Variants in DTNA observed in about 807,000 individuals in gnomAD.
DTNA encodes the protein dystrophin-related protein 3.
Under a neutral mutation model 100.7 loss-of-function variants are expected in DTNA, and 43 were observed. That is an observed-to-expected ratio of 0.43 (90% CI 0.33 to 0.55). The LOEUF is 0.55. Ranked by LOEUF, DTNA falls within the 20% of genes least tolerant of loss-of-function variation. The probability of loss-of-function intolerance (pLI) is 0.04; values close to 1 mark genes in which losing one functional copy is unlikely to be tolerated. For missense variants in DTNA, 798 were observed against 953.9 expected (o/e 0.84, Z 2.15); for synonymous variants, 349 against 347.9 (o/e 1.00, Z -0.04).
chr18:34,888,193 T>C lies in DTNA; in HGVS notation c.*459T>C. 5.1e-6 allele frequency: 5 copies of C among 985,888 alleles called. No homozygotes were observed. Among genetic ancestry groups the C allele is most frequent in the Non-Finnish European group, 6.0e-6 (5 of 829,934 alleles). The allele number at this position is 985,888 out of a possible 1,614,324, so 61.1% of individuals were successfully genotyped here. A position where few individuals can be genotyped will look rare whatever the true frequency, so the allele number is the denominator to read the frequency against. On this transcript the variant is annotated 3_prime_UTR_variant, in exon 23 of 23. Coordinates refer to ENST00000444659, the MANE Select transcript of DTNA (RefSeq NM_001386795.1). ...GTTCAGTTTACAATGACAATATTAATACTGTTTATAGCTAGAAGTTTGATT... is the reference window on the plus strand; with the variant it reads ...GTTCAGTTTACAATGACAATATTAACACTGTTTATAGCTAGAAGTTTGATT...
chr18:34,815,176 T>C (rs546550972), intron 6 of DTNA, among the ~76,000 whole-genome samples: 27 of 152,192 alleles, frequency 1.8e-4, no homozygotes, highest in African/African-American at 6.5e-4. Flanking sequence ...AAATTTCAAG[T>C]AGTGATTTTT....
At chr18:34,554,494 T>G (rs1239175415) in intron 1 of DTNA, among the ~76,000 whole-genome samples, 140 of 150,942 alleles carry the variant, frequency 9.3e-4, no homozygotes, top group African/African-American at 3.4e-3. Flanking sequence ...CCATTTAGTA[T>G]GATATTGGCT....
Position 34,667,853 on chromosome 18 carries a change from G to A in DTNA, c.-1-88123G>A, listed in dbSNP as rs553120874. Among the ~76,000 whole-genome samples the A allele has an allele frequency of 1.5e-3, 235 of 152,176 alleles. 2 individuals are homozygous for A. In the East Asian group the frequency reaches 0.019, roughly 13 times the overall value. ...GTATTTTATTGAGGATTTTTGCATCGATGTTCATCAGGGATATTGGTCTAA... is the reference window on the plus strand; with the variant it reads ...GTATTTTATTGAGGATTTTTGCATCAATGTTCATCAGGGATATTGGTCTAA... On this transcript the variant is annotated intron_variant, in intron 1 of 19. Transcript: ENST00000283365.
chr18:34,574,695 G>A (rs1186935605), intron 1 of DTNA, among the ~76,000 whole-genome samples: 3 of 152,116 alleles, frequency 2.0e-5, no homozygotes. Flanking sequence ...GTAATGATGT[G>A]ATCATAGCTC....
At chr18:34,769,355 A>T (rs1016355634) in intron 3 of DTNA, among the ~76,000 whole-genome samples, 1 of 152,246 alleles carries the variant, frequency 6.6e-6, no homozygotes, top group African/African-American at 2.4e-5. Flanking sequence ...ATGACATAAC[A>T]TTAGTCAACA....
chr18:34,558,869 C>G lies in DTNA; in HGVS notation c.-2+65355C>G, dbSNP rs558828138. Among the ~76,000 whole-genome samples the G allele has an allele frequency of 3.3e-5, 5 of 152,230 alleles. No homozygotes were observed. The East Asian group carries it at 9.7e-4, about 29-fold the overall frequency. The stretch of plus-strand genomic sequence containing the variant: ...GGCTGGAGCTTAGGGAAGGAGGAAG[C>G]AATGCTAAGAGATGAGGCCAGTACT... On this transcript the variant is annotated intron_variant, in intron 1 of 19. Transcript: ENST00000283365.
intron 13 of DTNA, among the ~76,000 whole-genome samples, chr18:34,840,161 C>T (rs549091529): frequency 1.1e-4 from 17 of 152,254 alleles, no homozygotes; most frequent in African/African-American, 3.9e-4. Context: ...AACCAGTACA[C>T]TAGTTTAATT....
At position 34,598,865 on chromosome 18, in the gene DTNA, CA is replaced by C. The variant is rs200715907; in HGVS notation, c.-2+105361del. Among the ~76,000 whole-genome samples the C allele has an allele frequency of 5.0e-3, 741 of 148,494 alleles. 5 individuals are homozygous for C. Among genetic ancestry groups the C allele is most frequent in the African/African-American group, 0.018 (719 of 40,556 alleles). ...TGGGTGACAGAGCGAGACTCCATCT[CA>C]AAAAAAAAATTTAAGGCCTTGAAGT... On this transcript the variant is annotated intron_variant, in intron 1 of 19. Transcript: ENST00000283365.
chr18:34,525,539 A>C (rs74714398), intron 1 of DTNA, among the ~76,000 whole-genome samples: 80 of 152,260 alleles, frequency 5.3e-4, no homozygotes, highest in African/African-American at 1.6e-3. Context: ...TCTTTGGTTC[A>C]TAAGTTTTGA....
At chr18:34,613,952 T>C (rs182451743) in intron 1 of DTNA, among the ~76,000 whole-genome samples, 2 of 152,338 alleles carry the variant, frequency 1.3e-5, no homozygotes, top group Admixed American at 6.5e-5. Flanking sequence ...AGGATTATCA[T>C]AGCTAGAGAT....
intron 1 of DTNA, among the ~76,000 whole-genome samples, chr18:34,610,304 G>T (rs2053977670): frequency 6.6e-6 from 1 of 152,140 alleles, no homozygotes; most frequent in Non-Finnish European, 1.5e-5. Context: ...CCAAGAGCTG[G>T]TGTTTCTCTC....
chr18:34,786,857 A>G (rs2094527480), intron 3 of DTNA, among the ~76,000 whole-genome samples: 1 of 152,198 alleles, frequency 6.6e-6, no homozygotes, highest in Admixed American at 6.5e-5. Flanking sequence ...GCATAAATTA[A>G]TTTATGGTAA....
chr18:34,732,088 G>A (rs2088393271), intron 1 of DTNA, among the ~76,000 whole-genome samples: 1 of 152,146 alleles, frequency 6.6e-6, no homozygotes, highest in Non-Finnish European at 1.5e-5. Flanking sequence ...AAAGAAAAGA[G>A]AATATTTATT....
chr18:34,734,188 A>G (rs1014419415), intron 1 of DTNA, among the ~76,000 whole-genome samples: 1 of 152,146 alleles, frequency 6.6e-6, no homozygotes, highest in Non-Finnish European at 1.5e-5. Flanking sequence ...CCTCAGGAGA[A>G]TCAACATTAT....
chr18:34,830,256 C>T (rs2095973293), intron 11 of DTNA, among the ~76,000 whole-genome samples: 1 of 151,882 alleles, frequency 6.6e-6, no homozygotes, highest in South Asian at 2.1e-4. Flanking sequence ...TAGTGCCAGT[C>T]AGTATAGGGC....
intron 1 of DTNA, among the ~76,000 whole-genome samples, chr18:34,497,080 G>A (rs2039326663): frequency 6.6e-6 from 1 of 152,138 alleles, no homozygotes; most frequent in Non-Finnish European, 1.5e-5. Context: ...AGTTATTTAG[G>A]TTTAATGTAA....
chr18:34,855,603 C>T (rs1031783306), intron 15 of DTNA, among the ~76,000 whole-genome samples: 3 of 152,196 alleles, frequency 2.0e-5, no homozygotes, highest in South Asian at 2.1e-4. Context: ...TTCTTTCCTT[C>T]CTCCTATCCA....
chr18:34,852,084 T>C (rs1410812515), intron 15 of DTNA, among the ~76,000 whole-genome samples, 156 bp downstream of exon 15: 1 of 152,334 alleles, frequency 6.6e-6, no homozygotes, highest in East Asian at 1.9e-4. Context: ...AAGCTGGTCT[T>C]TAGATCTTTA....
At chr18:34,757,783 T>G (rs2092880130) in intron 2 of DTNA, among the ~76,000 whole-genome samples, 1 of 152,202 alleles carries the variant, frequency 6.6e-6, no homozygotes, top group Non-Finnish European at 1.5e-5. Context: ...AACTTTGTGT[T>G]TTCATAGAAA....
Sources: gnomAD v4.1 joint callset for allele counts (sites outside exome capture counted in the v4.1 genomes callset) on GRCh38, gnomAD v4.1.1 for gene constraint, MANE v1.5 for transcripts, NCBI Gene and HGNC (gene_info 2026-07-23, HGNC 2026-07-21) for gene names.